AGMO: variants seen among roughly 807,000 people sequenced by gnomAD.
AGMO encodes alkylglycerol monooxygenase.
A neutral mutation model predicts 60.2 loss-of-function variants in AGMO; 75 were observed. That is an observed-to-expected ratio of 1.25 (90% CI 1.03 to 1.51). The LOEUF (loss-of-function observed/expected upper bound fraction) is 1.51. AGMO is among the 40% of genes most tolerant of loss of function. The pLI, the probability that AGMO is intolerant of heterozygous loss-of-function variation, is 0.00. For missense variants in AGMO, 763 were observed against 525.5 expected (o/e 1.45, Z -4.42); for synonymous variants, 261 against 177.1 (o/e 1.47, Z -3.76).
At chr7:15,294,844 G>C in intron 12 of AGMO, among the ~76,000 whole-genome samples, 1 of 151,792 alleles carries the variant, frequency 6.6e-6, no homozygotes, top group Admixed American at 6.6e-5. Flanking sequence ...ACATTATAAA[G>C]AAAACATATG....
chr7:15,253,241 T>A (rs1782992088), intron 12 of AGMO, among the ~76,000 whole-genome samples: 1 of 152,074 alleles, frequency 6.6e-6, no homozygotes, highest in Admixed American at 6.6e-5. Context: ...AAGGCCTGGG[T>A]AGGAACAAAA....
the AGMO span, among the ~76,000 whole-genome samples, chr7:15,123,817 G>A: frequency 6.6e-6 from 1 of 152,030 alleles, no homozygotes; most frequent in Non-Finnish European, 1.5e-5. Flanking sequence ...TAAAATCATT[G>A]ATGAGTTTAT....
At chr7:15,387,929 A>C in intron 8 of AGMO, among the ~76,000 whole-genome samples, 1 of 141,638 alleles carries the variant, frequency 7.1e-6, no homozygotes, top group African/African-American at 2.7e-5. Flanking sequence ...TTTCCCCAAG[A>C]CAGAGTCTCG....
At chr7:15,133,448 T>G in the AGMO span, among the ~76,000 whole-genome samples, 1 of 151,844 alleles carries the variant, frequency 6.6e-6, no homozygotes, top group Non-Finnish European at 1.5e-5. Flanking sequence ...TCTAAGGAAG[T>G]AGGGAGGGAA....
chr7:15,530,978 ATGTATATTCTATATATATTC>A (rs1784302621), intron 3 of AGMO, among the ~76,000 whole-genome samples: 1 of 97,178 alleles, frequency 1.0e-5, no homozygotes, highest in Non-Finnish European at 2.0e-5. Flanking sequence ...TATATTCTAT[ATGTATATTCTATATATATTC>A]TATATATTCT....
intron 12 of AGMO, among the ~76,000 whole-genome samples, chr7:15,358,035 A>T (rs1339457674): frequency 6.6e-6 from 1 of 152,228 alleles, no homozygotes; most frequent in Non-Finnish European, 1.5e-5. Context: ...AGAACTGTTG[A>T]ATCTTCCTTC....
At chr7:15,245,679 G>T (rs1290056426) in intron 12 of AGMO, among the ~76,000 whole-genome samples, 1 of 152,144 alleles carries the variant, frequency 6.6e-6, no homozygotes, top group Non-Finnish European at 1.5e-5. Flanking sequence ...TACTAAAAAG[G>T]AGAAAATGCT....
chr7:15,175,161 T>G, the AGMO span, among the ~76,000 whole-genome samples: 5 of 151,964 alleles, frequency 3.3e-5, no homozygotes, highest in Non-Finnish European at 5.9e-5. Flanking sequence ...TATTCATAAT[T>G]TTTAATTTAA....
chr7:15,310,162 C>T (rs964477508), intron 12 of AGMO, among the ~76,000 whole-genome samples: 3 of 152,078 alleles, frequency 2.0e-5, no homozygotes, highest in Admixed American at 2.0e-4. Flanking sequence ...TTAAATAGAT[C>T]AAGTTTGGTT....
intron 12 of AGMO, among the ~76,000 whole-genome samples, chr7:15,211,146 T>C (rs902703882): frequency 3.9e-5 from 6 of 151,962 alleles, no homozygotes; most frequent in African/African-American, 1.4e-4. Context: ...GTCAATTTGA[T>C]TTTGTTTCTG....
chr7:15,320,227 G>A (rs1053343291), intron 12 of AGMO, among the ~76,000 whole-genome samples: 7 of 151,750 alleles, frequency 4.6e-5, no homozygotes, highest in African/African-American at 9.7e-5. Context: ...AAACCTGCAC[G>A]TTTTACACAT....
intron 12 of AGMO, among the ~76,000 whole-genome samples, chr7:15,305,764 CTA>C (rs949307184): frequency 2.6e-5 from 4 of 151,890 alleles, no homozygotes; most frequent in Non-Finnish European, 5.9e-5. Context: ...TAAATGAAGA[CTA>C]GAATTCTAGA....
chr7:15,326,078 G>C (rs953571162), intron 12 of AGMO, among the ~76,000 whole-genome samples: 4 of 151,694 alleles, frequency 2.6e-5, no homozygotes, highest in South Asian at 2.1e-4. Context: ...ATAGATACAG[G>C]TTTTTTTTAA....
chr7:15,153,069 G>A, the AGMO span, among the ~76,000 whole-genome samples: 1 of 151,930 alleles, frequency 6.6e-6, no homozygotes, highest in Admixed American at 6.6e-5. Context: ...GTTTTGATTT[G>A]GATTTCTCTG....
intron 2 of AGMO, among the ~76,000 whole-genome samples, chr7:15,547,080 T>G (rs1022353064): frequency 6.6e-6 from 1 of 152,184 alleles, no homozygotes. Flanking sequence ...TTAACACTAT[T>G]ACAATTTGGG....
chr7:15,259,138 C>A (rs977824608), intron 12 of AGMO, among the ~76,000 whole-genome samples: 7 of 151,566 alleles, frequency 4.6e-5, no homozygotes, highest in Non-Finnish European at 8.8e-5. Flanking sequence ...AAGGTGAAGT[C>A]CAAAAGAAAT....
At chr7:15,246,255 A>G (rs1002702029) in intron 12 of AGMO, among the ~76,000 whole-genome samples, 1 of 151,968 alleles carries the variant, frequency 6.6e-6, no homozygotes, top group South Asian at 2.1e-4. Context: ...TTTTTTCCAA[A>G]CTGAATAGGC....
chr7:15,551,310 C>G (rs1784954055), intron 2 of AGMO, among the ~76,000 whole-genome samples: 1 of 151,554 alleles, frequency 6.6e-6, no homozygotes, highest in Non-Finnish European at 1.5e-5. Context: ...GTTGGAAGTT[C>G]TGGCCAGGGC....
chr7:15,430,805 T>C (rs917953745), intron 4 of AGMO, among the ~76,000 whole-genome samples, 200 bp downstream of exon 4: 8 of 151,644 alleles, frequency 5.3e-5, no homozygotes, highest in Non-Finnish European at 1.0e-4. Context: ...AATGCTTCTA[T>C]TGAAAAACAG....
Sources: allele counts gnomAD v4.1 joint callset (sites outside exome capture counted in the v4.1 genomes callset), GRCh38; gene constraint gnomAD v4.1.1; transcripts MANE v1.5; gene names NCBI Gene and HGNC (gene_info 2026-07-23, HGNC 2026-07-21).